WWP2: variants seen among roughly 807,000 people sequenced by gnomAD.
The protein encoded by WWP2 is NEDD4-like E3 ubiquitin-protein ligase WWP2.
Under a neutral mutation model 121.0 loss-of-function variants are expected in WWP2, and 57 were observed. The observed-to-expected ratio is 0.47, with a 90% CI of 0.38 to 0.59. WWP2 has a LOEUF of 0.59. WWP2 is among the 20% of genes least tolerant of loss of function. WWP2 has a pLI of 0.00. For missense variants in WWP2, 962 were observed against 1,158.9 expected, an observed-to-expected ratio of 0.83 and a Z score of 2.47; for synonymous variants, 449 against 441.3, an observed-to-expected ratio of 1.02 and a Z score of -0.22.
At chr16:69,906,212 A>G (rs747352861) in intron 8 of WWP2, among the ~76,000 whole-genome samples, 2 of 151,956 alleles carry the variant, frequency 1.3e-5, no homozygotes, top group African/African-American at 2.4e-5. Flanking sequence ...AGCTGGGACT[A>G]CAGGTGCCTG....
intron 4 of WWP2, among the ~76,000 whole-genome samples, chr16:69,801,936 A>T (rs926308847): frequency 1.2e-4 from 18 of 150,086 alleles, no homozygotes; most frequent in South Asian, 2.1e-4. Flanking sequence ...TTATTTATTT[A>T]TTTTTTTTTC....
Position 69,937,151 on chromosome 16 carries a change from G to A in WWP2, c.2151G>A (p.Val717=). The stretch of plus-strand genomic sequence containing the variant: ...CTGACTGGCGTTTCACCCGAGGCGT[G>A]GAAGAGCAGACCAAAGCCTTCCTGG... ...LLTDWRFTRG[V]EEQTKAFLDG... Residue 717 remains valine (V), a synonymous_variant, in exon 20 of 24, where the codon GTG becomes GTA. Transcript: ENST00000359154. This position sits in a 1 kb window ranked among gnomAD's most constrained non-coding sequence, Gnocchi z 6.6. 1.2e-6 allele frequency: 2 copies of A among 1,614,048 alleles called. No individual in the cohort carries two copies. Among genetic ancestry groups the A allele is most frequent in the Non-Finnish European group, 1.7e-6 (2 of 1,179,996 alleles).
At chr16:69,866,052 G>A (rs1433315471) in intron 6 of WWP2, among the ~76,000 whole-genome samples, 7 of 152,114 alleles carry the variant, frequency 4.6e-5, no homozygotes, top group African/African-American at 7.2e-5. Flanking sequence ...CTCTGACCTC[G>A]CATCTCATCA....
At chr16:69,872,078 C>G (rs2057650542) in intron 7 of WWP2, 147 bp downstream of exon 7, 1 of 1,256,564 alleles carries the variant, frequency 8.0e-7, no homozygotes, top group African/African-American at 1.5e-5. Context: ...ATCCATCAGT[C>G]TTTCTACTGA....
At chr16:69,888,433 C>T (rs137856053) in intron 8 of WWP2, among the ~76,000 whole-genome samples, 184 bp downstream of exon 8, 3 of 152,310 alleles carry the variant, frequency 2.0e-5, no homozygotes, top group African/African-American at 7.2e-5. Flanking sequence ...AAAAGAATCT[C>T]AGTCGCCTGG....
chr16:69,802,894 C>T (rs932487847), intron 4 of WWP2, among the ~76,000 whole-genome samples: 13 of 151,950 alleles, frequency 8.6e-5, no homozygotes, highest in African/African-American at 1.9e-4. Flanking sequence ...CATAAACCAC[C>T]GCATCTGGCC....
At chr16:69,856,116 T>C (rs2151895799) in intron 6 of WWP2, among the ~76,000 whole-genome samples, 1 of 152,290 alleles carries the variant, frequency 6.6e-6, no homozygotes, top group Non-Finnish European at 1.5e-5. Flanking sequence ...CTAAAAAAGA[T>C]GTATATTTAT....
chr16:69,872,023 A>G, intron 7 of WWP2, 92 bp downstream of exon 7: 2 of 1,498,808 alleles, frequency 1.3e-6, no homozygotes, highest in East Asian at 2.5e-5. Context: ...CTGTGTCAGA[A>G]TAGAGGGTGG....
At chr16:69,825,104 C>T (rs2056661465) in intron 4 of WWP2, among the ~76,000 whole-genome samples, 1 of 152,010 alleles carries the variant, frequency 6.6e-6, no homozygotes, top group African/African-American at 2.4e-5. Flanking sequence ...CTTGTGTTTG[C>T]AATGACTTCA....
At position 69,925,464 on chromosome 16, in the gene WWP2, G is replaced by T; in HGVS notation, c.1214G>T (p.Gly405Val). 1 of 1,613,984 alleles carries T rather than the reference G, an allele frequency of 6.2e-7. No individual in the cohort carries two copies. The highest frequency in any genetic ancestry group is 8.5e-7 in the Non-Finnish European group (1 of 1,179,950). Reference protein sequence around the residue: ...SSASTDHDPLGPLPPGWEKRQ... With the variant: ...SSASTDHDPLVPLPPGWEKRQ... ...GCTTCGACTGACCATGATCCCCTGG[G>T]CCCCCTCCCTCCTGGCTGGGGTAAG... The change falls in exon 11 of 24, where the codon GGC becomes GTC. Residue 405 changes from glycine to valine, a missense_variant. By Grantham distance (109) the Gly-to-Val change is moderately radical. Around this residue, in one of 3 missense-constraint regions of WWP2, gnomAD observed 606 missense variants for 772.6 expected, o/e 0.78. Coordinates refer to ENST00000359154, the MANE Select transcript of WWP2 (RefSeq NM_001270454.2). This position sits in a 1 kb window ranked among gnomAD's most constrained non-coding sequence, Gnocchi z 4.0.
chr16:69,928,129 C>G (rs2151986125), intron 11 of WWP2, among the ~76,000 whole-genome samples: 1 of 152,276 alleles, frequency 6.6e-6, no homozygotes, highest in Middle Eastern at 3.4e-3. Flanking sequence ...CAGCTCGAGT[C>G]TTGGAGTCAG....
intron 4 of WWP2, among the ~76,000 whole-genome samples, chr16:69,811,098 T>C (rs1234557544): frequency 6.6e-6 from 1 of 152,160 alleles, no homozygotes; most frequent in Non-Finnish European, 1.5e-5. Flanking sequence ...TCAAGACTTA[T>C]CAGCATGTTT....
Position 69,931,184 on chromosome 16 carries a change from G to T in WWP2, c.1478G>T (p.Arg493Leu). 6.2e-7 allele frequency: 1 copy of T among 1,614,138 alleles called. No homozygotes were observed. The highest frequency in any genetic ancestry group is 8.5e-7 in the Non-Finnish European group (1 of 1,180,010). The change falls in exon 14 of 24, where the codon CGC (arginine) becomes CTC (leucine). Residue 493 changes from arginine (R) to leucine (L), a missense_variant. Around this residue, in one of 3 missense-constraint regions of WWP2, gnomAD observed 606 missense variants for 772.6 expected, o/e 0.78. Transcript: ENST00000359154. ...TKQGSPGAYDRSFRWKYHQFR... is the reference protein window; with the variant it reads ...TKQGSPGAYDLSFRWKYHQFR... Reference sequence around the variant, plus strand: ...CAAGGTTCCCCTGGTGCTTATGACCGCAGTTTTCGGTGGAAGTATCACCAG... The same window carrying T: ...CAAGGTTCCCCTGGTGCTTATGACCTCAGTTTTCGGTGGAAGTATCACCAG...
intron 11 of WWP2, among the ~76,000 whole-genome samples, chr16:69,929,128 A>G (rs917943955): frequency 6.6e-6 from 1 of 152,062 alleles, no homozygotes; most frequent in Non-Finnish European, 1.5e-5. Flanking sequence ...GCTGGGAGCA[A>G]TTATGCCTCT....
At chr16:69,846,623 A>C (rs914091822) in intron 6 of WWP2, among the ~76,000 whole-genome samples, 1 of 151,814 alleles carries the variant, frequency 6.6e-6, no homozygotes, top group Non-Finnish European at 1.5e-5. Flanking sequence ...CGGGAGGCTG[A>C]GGTAGGAGAA....
chr16:69,814,961 A>C, intron 4 of WWP2, among the ~76,000 whole-genome samples: 1 of 152,036 alleles, frequency 6.6e-6, no homozygotes, highest in East Asian at 1.9e-4. Context: ...AACAACTTTA[A>C]ATTTATTTTT....
chr16:69,764,607 G>A (rs897613288), intron 1 of WWP2, among the ~76,000 whole-genome samples: 4 of 152,136 alleles, frequency 2.6e-5, no homozygotes, highest in East Asian at 1.9e-4. Flanking sequence ...TTTAGAAAAC[G>A]CTGTACTCTA....
intron 2 of WWP2, 65 bp downstream of exon 2, chr16:69,787,145 A>G: frequency 6.8e-7 from 1 of 1,476,710 alleles, no homozygotes; most frequent in African/African-American, 1.4e-5. Context: ...ATCTAACCAC[A>G]CCTTGGTCTG....
chr16:69,828,401 T>G (rs1024524837), intron 4 of WWP2, among the ~76,000 whole-genome samples: 1 of 152,172 alleles, frequency 6.6e-6, no homozygotes, highest in Non-Finnish European at 1.5e-5. Context: ...AGTTTCGCTC[T>G]TGTTGCCCAG....
Sources: gnomAD v4.1 joint callset for allele counts (sites outside exome capture counted in the v4.1 genomes callset) on GRCh38, gnomAD v4.1.1 for gene constraint, gnomAD v4.1.1 regional missense constraint, Gnocchi (gnomAD v3.1) non-coding constraint, MANE v1.5 for transcripts, NCBI Gene and HGNC (gene_info 2026-07-23, HGNC 2026-07-21) for gene names.